ZNF521: variants seen among roughly 807,000 people sequenced by gnomAD.
The protein encoded by ZNF521 is zinc finger protein 521.
A neutral mutation model predicts 105.5 loss-of-function variants in ZNF521; 14 were observed. That is an observed-to-expected ratio of 0.13 (90% CI 0.09 to 0.21). The LOEUF (loss-of-function observed/expected upper bound fraction) is 0.21. Among genes scored for constraint, ZNF521 ranks in the 10% least tolerant of loss-of-function variants. ZNF521 has a pLI of 1.00. For synonymous variants in ZNF521, 635 were observed against 606.0 expected, an observed-to-expected ratio of 1.05 and a Z score of -0.70; for missense variants, 1,233 against 1,629.7, an observed-to-expected ratio of 0.76 and a Z score of 4.19.
At chr18:25,229,454 T>A (rs1906390386) in intron 3 of ZNF521, among the ~76,000 whole-genome samples, 2 of 152,100 alleles carry the variant, frequency 1.3e-5, no homozygotes, top group African/African-American at 4.8e-5. Flanking sequence ...TAAGAAAGGG[T>A]CTGATGGATG....
chr18:25,221,225 C>T (rs528840696), intron 4 of ZNF521, among the ~76,000 whole-genome samples: 61 of 152,178 alleles, frequency 4.0e-4, no homozygotes, highest in Non-Finnish European at 6.6e-4. Flanking sequence ...GATCTGCCTT[C>T]GATTTCAAAT....
At chr18:25,070,891 T>C (rs964153580) in intron 7 of ZNF521, among the ~76,000 whole-genome samples, 2 of 152,086 alleles carry the variant, frequency 1.3e-5, no homozygotes, top group African/African-American at 4.8e-5. Context: ...TTTGAAGAAT[T>C]TGCAGGGAGG....
At chr18:25,274,904 T>C (rs1159719219) in intron 3 of ZNF521, among the ~76,000 whole-genome samples, 1 of 152,162 alleles carries the variant, frequency 6.6e-6, no homozygotes, top group African/African-American at 2.4e-5. Context: ...CCATCAGGCA[T>C]GGCAAGTACC....
At chr18:25,109,457 G>A (rs2034140895) in intron 5 of ZNF521, among the ~76,000 whole-genome samples, 1 of 152,100 alleles carries the variant, frequency 6.6e-6, no homozygotes, top group African/African-American at 2.4e-5. Context: ...TCTCCTTTGG[G>A]TAGAAGCCCA....
At chr18:25,348,914 G>A (rs1914578517) in intron 2 of ZNF521, among the ~76,000 whole-genome samples, 1 of 152,148 alleles carries the variant, frequency 6.6e-6, no homozygotes, top group Non-Finnish European at 1.5e-5. Context: ...TGCATGAGAA[G>A]AAATCATCTT....
chr18:25,125,701 ATAGATT>A (rs968528787), intron 5 of ZNF521, among the ~76,000 whole-genome samples: 20 of 145,154 alleles, frequency 1.4e-4, no homozygotes, highest in South Asian at 4.4e-4. Context: ...TTTCTCCAGG[ATAGATT>A]TAGTTTTCAA....
rs35395645 is a variant in ZNF521 at position 25,068,508 on chromosome 18, A to ATT, written c.3907-5769_3907-5768dup. Among the ~76,000 whole-genome samples the ATT allele has an allele frequency of 4.0e-3, 593 of 149,800 alleles. 3 individuals carry two copies. Among genetic ancestry groups the ATT allele is most frequent in the African/African-American group, 5.4e-3 (221 of 40,916 alleles). ...GCACTATTGCTTTTTTTCATTTTTA[A>ATT]TTTTTTTTTTTAAACAAAAGCAATT... On this transcript the variant is annotated intron_variant, in intron 7 of 7. Coordinates refer to ENST00000361524, the MANE Select transcript of ZNF521 (RefSeq NM_015461.3).
chr18:25,125,402 T>C (rs1160913544), intron 5 of ZNF521, among the ~76,000 whole-genome samples: 1 of 152,132 alleles, frequency 6.6e-6, no homozygotes, highest in African/African-American at 2.4e-5. Flanking sequence ...TTAAGAAAAT[T>C]AGGCCCAATA....
intron 2 of ZNF521, among the ~76,000 whole-genome samples, chr18:25,329,084 G>A (rs1190557310): frequency 6.6e-6 from 1 of 152,202 alleles, no homozygotes; most frequent in East Asian, 1.9e-4. Flanking sequence ...TTAACAGCCA[G>A]TTGATCAAGG....
At position 25,224,781 on chromosome 18, in the gene ZNF521, G is replaced by A; in HGVS notation, c.3137C>T (p.Thr1046Ile). The A allele has an allele frequency of 6.2e-7, 1 of 1,613,988 alleles. No individual in the cohort carries two copies. The highest frequency in any genetic ancestry group is 1.1e-5 in the South Asian group (1 of 91,072). ...KIHGTFHMQKTGNGSAVQTTG... is the reference protein window; with the variant it reads ...KIHGTFHMQKIGNGSAVQTTG... ...GGTCTGAACTGCAGACCCATTCCCT[G>A]TCTTTTGCATGTGGAACGTCCCATG... Residue 1046 changes from threonine to isoleucine, a missense_variant, in exon 4 of 8, where the codon ACA becomes ATA. Transcript: ENST00000361524.
At chr18:25,175,997 A>T (rs1238583111) in intron 5 of ZNF521, among the ~76,000 whole-genome samples, 1 of 152,236 alleles carries the variant, frequency 6.6e-6, no homozygotes, top group East Asian at 1.9e-4. Flanking sequence ...CAATACAGCT[A>T]GAAACCACAG....
intron 3 of ZNF521, among the ~76,000 whole-genome samples, chr18:25,234,345 T>C (rs1327601601): frequency 6.6e-6 from 1 of 152,210 alleles, no homozygotes. Context: ...TATTCTCTAC[T>C]ATTTTGAGTT....
chr18:25,120,816 T>C (rs1032026796), intron 5 of ZNF521, among the ~76,000 whole-genome samples: 3 of 152,202 alleles, frequency 2.0e-5, no homozygotes, highest in African/African-American at 4.8e-5. Flanking sequence ...AACAAATACC[T>C]TGGCTCCCTT....
intron 4 of ZNF521, among the ~76,000 whole-genome samples, chr18:25,211,600 T>C (rs1440397364): frequency 6.6e-6 from 1 of 152,230 alleles, no homozygotes; most frequent in Non-Finnish European, 1.5e-5. Flanking sequence ...TTTCCATCAG[T>C]TTCTAGCTGT....
intron 5 of ZNF521, among the ~76,000 whole-genome samples, chr18:25,103,577 T>G (rs4129316): frequency 0.16 from 24,418 of 152,060 alleles, 2,439 homozygotes; most frequent in East Asian, 0.26. Flanking sequence ...CCTAACCTAC[T>G]TTTCTCTCTT....
At chr18:25,083,573 C>G (rs1001214783) in intron 7 of ZNF521, among the ~76,000 whole-genome samples, 1 of 152,134 alleles carries the variant, frequency 6.6e-6, no homozygotes, top group Non-Finnish European at 1.5e-5. Context: ...AGAAGAAACA[C>G]CTTTTCTGGG....
chr18:25,203,848 CA>C (rs1230446035), intron 4 of ZNF521, among the ~76,000 whole-genome samples: 28 of 152,238 alleles, frequency 1.8e-4, no homozygotes, highest in African/African-American at 6.7e-4. Flanking sequence ...TTGATACAAC[CA>C]AAGCTCATGT....
intron 5 of ZNF521, among the ~76,000 whole-genome samples, chr18:25,136,245 A>C (rs1476118720): frequency 6.6e-6 from 1 of 152,180 alleles, no homozygotes; most frequent in African/African-American, 2.4e-5. Flanking sequence ...GTTCATGCCA[A>C]TTTGTTTAAA....
chr18:25,313,144 A>G (rs1002668935), intron 3 of ZNF521, among the ~76,000 whole-genome samples: 12 of 152,310 alleles, frequency 7.9e-5, no homozygotes, highest in Non-Finnish European at 1.2e-4. Context: ...GACCTTCCTG[A>G]GAGCAAGGAG....
Sources: allele counts gnomAD v4.1 joint callset (sites outside exome capture counted in the v4.1 genomes callset), GRCh38; gene constraint gnomAD v4.1.1; transcripts MANE v1.5; gene names NCBI Gene and HGNC (gene_info 2026-07-23, HGNC 2026-07-21).